LARGE1: variants seen among roughly 807,000 people sequenced by gnomAD.
LARGE1 encodes xylosyl- and glucuronyltransferase LARGE1.
Under a neutral mutation model 87.6 loss-of-function variants are expected in LARGE1, and 43 were observed. The ratio of observed to expected loss-of-function variants is 0.49; its 90% CI spans 0.38 to 0.63. The LOEUF (loss-of-function observed/expected upper bound fraction) is 0.63, where lower values mean the gene tolerates loss of function less well. Ranked by LOEUF, LARGE1 falls within the 30% of genes least tolerant of loss-of-function variation. The pLI is 0.00. For missense variants in LARGE1, 802 were observed against 1,000.2 expected, an observed-to-expected ratio of 0.80 and a Z score of 2.67; for synonymous variants, 434 against 394.6, an observed-to-expected ratio of 1.10 and a Z score of -1.18.
intron 7 of LARGE1, among the ~76,000 whole-genome samples, chr22:33,390,167 C>T (rs183896205): frequency 2.4e-4 from 37 of 152,302 alleles, no homozygotes; most frequent in Non-Finnish European, 5.0e-4. Context: ...AATTCCAGAA[C>T]GTTTACTAAA....
At position 33,805,545 on chromosome 22, in the gene LARGE1, C is replaced by T. The variant is rs550897949; in HGVS notation, c.-82-43987G>A. ...GGTCAGGAGTTTGAGACCAGCCTGGCCAACATGGTGAAACCCTATCTCTGC... is the reference window on the plus strand; with the variant it reads ...GGTCAGGAGTTTGAGACCAGCCTGGTCAACATGGTGAAACCCTATCTCTGC... On this transcript the variant is annotated intron_variant, in intron 1 of 14. Transcript: ENST00000397394. Among the ~76,000 whole-genome samples, 9 of 152,062 alleles carry T rather than the reference C, an allele frequency of 5.9e-5. No homozygotes were observed. In the East Asian group the frequency reaches 1.7e-3, roughly 30 times the overall value.
the LARGE1 span, among the ~76,000 whole-genome samples, chr22:33,078,867 G>C: frequency 6.6e-6 from 1 of 152,192 alleles, no homozygotes; most frequent in Non-Finnish European, 1.5e-5. Flanking sequence ...GTCAGGGCAA[G>C]CTCCACAGAT....
At chr22:33,660,275 C>T (rs2081086003) in intron 2 of LARGE1, among the ~76,000 whole-genome samples, 1 of 151,774 alleles carries the variant, frequency 6.6e-6, no homozygotes, top group African/African-American at 2.4e-5. Context: ...CGTCACCAAC[C>T]AAGGCCAAAA....
In LARGE1 at chr22:33,650,350, C is replaced by T. The variant is rs1450030417; in HGVS notation, c.408+17G>A. 2 of 1,613,848 alleles carry T rather than the reference C, an allele frequency of 1.2e-6. No homozygotes were observed. Among genetic ancestry groups the T allele is most frequent in the African/African-American group, 2.7e-5 (2 of 74,952 alleles). ...GACTTTGGACAACTTCCTCCCCAGG[C>T]TCCAGATGCCCTTTACCTCGCATTT... On this transcript the variant is annotated intron_variant, in intron 3 of 14. Transcript: ENST00000397394.
At chr22:33,840,295 C>A (rs985319727) in intron 1 of LARGE1, among the ~76,000 whole-genome samples, 1 of 152,088 alleles carries the variant, frequency 6.6e-6, no homozygotes, top group East Asian at 1.9e-4. Context: ...AAAAAGGGAC[C>A]TAGTTTTTAA....
intron 11 of LARGE1, among the ~76,000 whole-genome samples, chr22:33,172,830 A>G (rs1048181951): frequency 5.3e-5 from 8 of 152,218 alleles, no homozygotes; most frequent in African/African-American, 1.9e-4. Context: ...AAAGAAATGA[A>G]CAAAGCCTCC....
chr22:33,612,342 T>C (rs2079459070), intron 4 of LARGE1, among the ~76,000 whole-genome samples: 1 of 152,162 alleles, frequency 6.6e-6, no homozygotes, highest in Non-Finnish European at 1.5e-5. Context: ...GACCTCAAGA[T>C]CTGCCTGCCT....
chr22:33,864,302 C>T (rs1052071877), intron 1 of LARGE1, among the ~76,000 whole-genome samples: 1 of 152,152 alleles, frequency 6.6e-6, no homozygotes, highest in Non-Finnish European at 1.5e-5. Flanking sequence ...CCCCTATGTT[C>T]AGGAAGGTTA....
At chr22:33,808,105 T>C (rs1174029851) in intron 1 of LARGE1, among the ~76,000 whole-genome samples, 5 of 152,230 alleles carry the variant, frequency 3.3e-5, no homozygotes, top group African/African-American at 1.2e-4. Context: ...GGCTATACCA[T>C]TTTGCATTCT....
Position 33,650,382 on chromosome 22 carries a change from G to T in LARGE1, c.393C>A (p.Val131=). Residue 131 remains valine (V), a synonymous_variant, in exon 3 of 15, where the codon GTC becomes GTA. Transcript: ENST00000397394. ...GNSSECGQQP[V]VEKCETIHVA... The stretch of plus-strand genomic sequence containing the variant: ...TGCCCTTTACCTCGCATTTCTCCAC[G>T]ACCGGCTGCTGCCCACACTCGGAGC... 1 of 1,614,032 alleles carries T rather than the reference G, an allele frequency of 6.2e-7. No homozygotes were observed. The highest frequency in any genetic ancestry group is 1.1e-5 in the South Asian group (1 of 91,048).
intron 12 of LARGE1, among the ~76,000 whole-genome samples, chr22:33,301,589 G>C (rs575955201): frequency 1.3e-5 from 2 of 152,308 alleles, no homozygotes; most frequent in East Asian, 3.9e-4. Context: ...CGATTGTGTG[G>C]AGAGACGACT....
At chr22:33,374,468 A>G (rs1223311845) in intron 9 of LARGE1, among the ~76,000 whole-genome samples, 2 of 152,212 alleles carry the variant, frequency 1.3e-5, no homozygotes, top group Non-Finnish European at 2.9e-5. Flanking sequence ...TCGTCTTTTG[A>G]TAATCACTCT....
chr22:33,700,390 GAATT>G (rs2082370594), intron 2 of LARGE1, among the ~76,000 whole-genome samples: 1 of 152,202 alleles, frequency 6.6e-6, no homozygotes, highest in Non-Finnish European at 1.5e-5. Flanking sequence ...AATGTCCAGA[GAATT>G]AATTGTGTAC....
chr22:33,764,163 ATCTCTCTCTACTC>A (rs1357319216), intron 1 of LARGE1, among the ~76,000 whole-genome samples: 2 of 151,806 alleles, frequency 1.3e-5, no homozygotes, highest in African/African-American at 4.8e-5. Flanking sequence ...TGAGGTTTTC[ATCTCTCTCTACTC>A]CCACATTTCC....
chr22:33,714,699 G>A (rs899343729), intron 2 of LARGE1, among the ~76,000 whole-genome samples: 1 of 152,160 alleles, frequency 6.6e-6, no homozygotes, highest in African/African-American at 2.4e-5. Flanking sequence ...TCAGGCCTGT[G>A]GCCTCCCTTG....
At chr22:33,528,925 AT>A (rs201964512) in intron 6 of LARGE1, among the ~76,000 whole-genome samples, 1,714 of 152,258 alleles carry the variant, frequency 0.011, 36 homozygotes, top group African/African-American at 0.04. Flanking sequence ...TGTTCTATGC[AT>A]TTTGCACGTA....
chr22:33,861,401 A>AAC (rs139884348), intron 1 of LARGE1, among the ~76,000 whole-genome samples: 2,241 of 149,016 alleles, frequency 0.015, 48 homozygotes, highest in African/African-American at 0.051. Context: ...CACACACACA[A>AAC]ACACACACAC....
intron 6 of LARGE1, among the ~76,000 whole-genome samples, chr22:33,447,179 G>A (rs2067716832): frequency 6.6e-6 from 1 of 152,250 alleles, no homozygotes; most frequent in Non-Finnish European, 1.5e-5. Context: ...TAAGGCATGA[G>A]CCACTGCACC....
chr22:33,518,104 C>T, intron 6 of LARGE1, among the ~76,000 whole-genome samples: 1 of 152,250 alleles, frequency 6.6e-6, no homozygotes, highest in East Asian at 1.9e-4. Context: ...GATCTGGCAA[C>T]TTCATACCTT....
Sources: allele counts gnomAD v4.1 joint callset (sites outside exome capture counted in the v4.1 genomes callset), GRCh38; gene constraint gnomAD v4.1.1; transcripts MANE v1.5; gene names NCBI Gene and HGNC (gene_info 2026-07-23, HGNC 2026-07-21).